Variants in ARHGAP8 observed in about 807,000 individuals in gnomAD.
The protein encoded by ARHGAP8 is Rho GTPase activating protein 8.
A neutral mutation model predicts 46.1 loss-of-function variants in ARHGAP8; 62 were observed. The ratio of observed to expected loss-of-function variants is 1.34; its 90% CI spans 1.10 to 1.66. The LOEUF (loss-of-function observed/expected upper bound fraction) is 1.66. ARHGAP8 is among the 40% of genes most tolerant of loss of function. ARHGAP8 has a pLI of 0.00. For missense variants in ARHGAP8, 923 were observed against 568.4 expected, an observed-to-expected ratio of 1.62 and a Z score of -6.34; for synonymous variants, 375 against 243.1, an observed-to-expected ratio of 1.54 and a Z score of -5.05.
chr22:44,758,597 G>T lies in ARHGAP8; in HGVS notation c.-72+5970G>T, dbSNP rs1924876221. Among the ~76,000 whole-genome samples, 3 of 151,962 alleles carry T rather than the reference G, an allele frequency of 2.0e-5. No homozygotes were observed. In the South Asian group the frequency reaches 6.2e-4, roughly 32 times the overall value. ...TCTGTGGCTCACTTACTTTGTGCAG[G>T]GCTGTGCGTTCCAGGTAGTGGGGAG... On this transcript the variant is annotated intron_variant, in intron 1 of 11. Transcript: ENST00000356099.
intron 5 of ARHGAP8, among the ~76,000 whole-genome samples, chr22:44,820,018 C>T (rs540752582): frequency 3.5e-4 from 54 of 152,340 alleles, no homozygotes; most frequent in Middle Eastern, 3.4e-3. Flanking sequence ...TGGGCAGCCA[C>T]ATAACCTCTC....
chr22:44,860,385 C>T (rs533117954), intron 11 of ARHGAP8, among the ~76,000 whole-genome samples: 38 of 152,258 alleles, frequency 2.5e-4, no homozygotes, highest in African/African-American at 7.0e-4. Context: ...TGGCCTCTCC[C>T]AGCTCCTGGT....
chr22:44,793,606 T>G (rs966823340), intron 2 of ARHGAP8, among the ~76,000 whole-genome samples: 1 of 152,110 alleles, frequency 6.6e-6, no homozygotes, highest in Non-Finnish European at 1.5e-5. Context: ...TTAATCGCCG[T>G]CCGCTGGGAG....
intron 7 of ARHGAP8, among the ~76,000 whole-genome samples, chr22:44,831,395 T>C (rs1930933780): frequency 3.3e-5 from 5 of 152,158 alleles, no homozygotes; most frequent in Admixed American, 3.3e-4. Flanking sequence ...CAGCACCACT[T>C]GTTGAAAAGA....
intron 8 of ARHGAP8, among the ~76,000 whole-genome samples, chr22:44,847,107 G>A (rs1213450714): frequency 6.6e-6 from 1 of 152,204 alleles, no homozygotes; most frequent in East Asian, 1.9e-4. Flanking sequence ...CCAGATGCCT[G>A]CGCCACAGTC....
chr22:44,853,834 T>A (rs1244638500), intron 10 of ARHGAP8, among the ~76,000 whole-genome samples: 1 of 151,592 alleles, frequency 6.6e-6, no homozygotes, highest in Non-Finnish European at 1.5e-5. Context: ...TTGAGACCAG[T>A]CTGACCAACA....
rs780222524 is a variant in ARHGAP8, at chr22:44,825,513, G to A, written c.516G>A (p.Glu172=). 6.8e-6 allele frequency: 11 copies of A among 1,613,224 alleles called. No individual in the cohort carries two copies. In the Admixed American group the frequency reaches 1.5e-4, roughly 22 times the overall value. ...RYDEKLQSLH[E]GRTPPPTKTP... ...ATGAGAAGCTCCAGAGCCTGCACGA[G>A]GGCCGGACGCCGCCTCCCACCAAGA... Residue 172 remains glutamate, a synonymous_variant, in exon 7 of 12, where the codon GAG becomes GAA. Transcript: ENST00000356099.
At chr22:44,852,610 C>G (rs911277495) in intron 10 of ARHGAP8, among the ~76,000 whole-genome samples, 10 of 152,214 alleles carry the variant, frequency 6.6e-5, no homozygotes, top group Admixed American at 4.6e-4. Flanking sequence ...TTGCATGAAT[C>G]CTTCTCTCAG....
chr22:44,859,870 A>T, intron 11 of ARHGAP8, 36 bp downstream of exon 11: 4 of 1,605,666 alleles, frequency 2.5e-6, no homozygotes, highest in Non-Finnish European at 3.4e-6. Context: ...GGTGAAGCCC[A>T]GTGGCCTTCC....
At chr22:44,805,766 C>T (rs1324770358) in intron 3 of ARHGAP8, among the ~76,000 whole-genome samples, 1 of 152,194 alleles carries the variant, frequency 6.6e-6, no homozygotes, top group Non-Finnish European at 1.5e-5. Context: ...TTCTCCGCAG[C>T]CTTTATGAAA....
intron 10 of ARHGAP8, among the ~76,000 whole-genome samples, chr22:44,851,654 C>T (rs996257851): frequency 3.3e-5 from 5 of 152,126 alleles, no homozygotes; most frequent in Non-Finnish European, 5.9e-5. Flanking sequence ...GCCTGGGAAA[C>T]ATAGTGAGAC....
At chr22:44,773,668 C>T (rs12161087) in intron 1 of ARHGAP8, among the ~76,000 whole-genome samples, 42,380 of 152,126 alleles carry the variant, frequency 0.28, 7,081 homozygotes, top group South Asian at 0.57. Flanking sequence ...CTGCATCCTC[C>T]GCCTCCCAGA....
intron 1 of ARHGAP8, among the ~76,000 whole-genome samples, chr22:44,753,588 G>A (rs1924425179): frequency 7.3e-6 from 1 of 137,860 alleles, no homozygotes; most frequent in African/African-American, 2.8e-5. Context: ...GGGAGGCCCT[G>A]CCTTTCACTT....
chr22:44,799,055 C>T (rs573192367), intron 2 of ARHGAP8, among the ~76,000 whole-genome samples: 43 of 152,342 alleles, frequency 2.8e-4, no homozygotes, highest in African/African-American at 9.9e-4. Flanking sequence ...CCAGGCTTCC[C>T]ATCCCCAGCC....
At chr22:44,792,516 C>G (rs1311401213) in intron 2 of ARHGAP8, among the ~76,000 whole-genome samples, 1 of 152,102 alleles carries the variant, frequency 6.6e-6, no homozygotes, top group Non-Finnish European at 1.5e-5. Flanking sequence ...ACCAGGAACC[C>G]CCTGCCCTCC....
At chr22:44,802,017 G>T (rs772726596) in intron 2 of ARHGAP8, 60 bp from the exon 3 acceptor site, 3 of 1,603,030 alleles carry the variant, frequency 1.9e-6, no homozygotes, top group Non-Finnish European at 1.7e-6. Context: ...TTTTTGCTAA[G>T]TGCCTGAGGA....
chr22:44,808,690 A>G (rs1301915248), intron 4 of ARHGAP8: 1 of 661,878 alleles, frequency 1.5e-6, no homozygotes, highest in East Asian at 3.4e-5. Flanking sequence ...TCACCCAGCC[A>G]CCATGGCTCA....
In ARHGAP8 at chr22:44,859,162, T is replaced by C. The variant is rs4823401; in HGVS notation, c.878-569T>C. ...GCTGCTGGCTGATAAAGCAGAGGGA[T>C]GGAGCTTGTAGAATTCAGGTGATGA... On this transcript the variant is annotated intron_variant, in intron 10 of 11. Coordinates refer to ENST00000356099, the MANE Select transcript of ARHGAP8 (RefSeq NM_181335.3). 8.8e-3 allele frequency among the ~76,000 whole-genome samples: 1,335 copies of C among 152,246 alleles called. 19 individuals carry two copies. Among genetic ancestry groups the C allele is most frequent in the East Asian group, 0.059 (306 of 5,180 alleles).
At chr22:44,804,285 C>T (rs573112334) in intron 3 of ARHGAP8, among the ~76,000 whole-genome samples, 42 of 152,188 alleles carry the variant, frequency 2.8e-4, no homozygotes, top group Non-Finnish European at 6.0e-4. Context: ...CACCGAGCCT[C>T]CTTCCTGGTG....
Sources: allele counts gnomAD v4.1 joint callset (sites outside exome capture counted in the v4.1 genomes callset), GRCh38; gene constraint gnomAD v4.1.1; transcripts MANE v1.5; gene names NCBI Gene and HGNC (gene_info 2026-07-23, HGNC 2026-07-21).